TLE6: variants seen among roughly 807,000 people sequenced by gnomAD.
TLE6 encodes the protein transducin-like enhancer protein 6.
In TLE6, 72 loss-of-function variants were observed where a neutral mutation model predicts 77.1. The ratio of observed to expected loss-of-function variants is 0.93; its 90% CI spans 0.77 to 1.14. The LOEUF (loss-of-function observed/expected upper bound fraction) is 1.14. Among genes scored for constraint, TLE6 ranks in the 50% most tolerant of loss-of-function variants. TLE6 has a pLI of 0.00. For missense variants in TLE6, 843 were observed against 747.6 expected, an observed-to-expected ratio of 1.13 and a Z score of -1.49; for synonymous variants, 366 against 287.3, an observed-to-expected ratio of 1.27 and a Z score of -2.77.
At chr19:2,981,708 C>A (rs959790072) in intron 4 of TLE6, 125 bp downstream of exon 4, 2 of 1,039,590 alleles carry the variant, frequency 1.9e-6, no homozygotes, top group East Asian at 2.6e-5. Context: ...CTGTGCCTCA[C>A]GCCTGTAATC....
intron 5 of TLE6, among the ~76,000 whole-genome samples, chr19:2,986,155 G>A (rs2088906177): frequency 7.1e-6 from 1 of 141,130 alleles, no homozygotes; most frequent in Non-Finnish European, 1.5e-5. Flanking sequence ...GCTTAAACCT[G>A]TTATCCCAGC....
In TLE6 at chr19:2,995,056, TCCC is replaced by T. The variant is rs141348286; in HGVS notation, c.*60_*62del. 2.5e-3 allele frequency: 2,039 copies of T among 828,114 alleles called. 19 individuals carry two copies. Among genetic ancestry groups the T allele is most frequent in the Middle Eastern group, 9.6e-3 (26 of 2,708 alleles). 51.3% of individuals were successfully genotyped at this position (828,114 alleles called of 1,614,324 possible). A position where few individuals can be genotyped will look rare whatever the true frequency, so the allele number is the denominator to read the frequency against. On this transcript the variant is annotated 3_prime_UTR_variant, in exon 17 of 17. Transcript: ENST00000246112. ...CGGCTCCTCTTTTCATCCCCCCCCT[TCCC>T]CCCCCCCAACAAGGGGGACATGGTG...
chr19:2,993,719 G>T, intron 15 of TLE6, 137 bp downstream of exon 15: 1 of 1,145,512 alleles, frequency 8.7e-7, no homozygotes, highest in South Asian at 1.7e-5. Context: ...TTTTGGGGAT[G>T]CTCTTATAGT....
chr19:2,989,502 G>A (rs752294085), intron 12 of TLE6, 33 bp from the exon 13 acceptor site: 18 of 1,594,444 alleles, frequency 1.1e-5, no homozygotes, highest in East Asian at 4.5e-5. Flanking sequence ...TGCCACGGGG[G>A]GCGACAGCTC....
At position 2,989,794 on chromosome 19, in the gene TLE6, G is replaced by GA. The variant is rs1287316311; in HGVS notation, c.1244+9_1244+10insA. ...GATCAGAGTGTGGTCAGGTGCGTTT[G>GA]GGGGGTGGGAAGGGGAAGCATCCTG... On this transcript the variant is annotated intron_variant, in intron 13 of 16. Transcript: ENST00000246112. 1 of 1,608,270 alleles carries GA rather than the reference G, an allele frequency of 6.2e-7. No homozygotes were observed. The highest frequency in any genetic ancestry group is 1.3e-5 in the African/African-American group (1 of 74,764).
At chr19:2,989,814 ATCCTGTGCCAGCC>A (rs1375796867) in intron 13 of TLE6, 29 bp downstream of exon 13, 1 of 1,608,740 alleles carries the variant, frequency 6.2e-7, no homozygotes. Context: ...AAGGGGAAGC[ATCCTGTGCCAGCC>A]TCCTGTGGCC....
intron 13 of TLE6, 86 bp from the exon 14 acceptor site, chr19:2,991,757 C>A: frequency 1.4e-6 from 2 of 1,392,946 alleles, no homozygotes; most frequent in East Asian, 2.3e-5. Flanking sequence ...CTGTCCCTTT[C>A]ATGCCCAAAT....
In TLE6 at chr19:2,987,754, G is replaced by A. The variant is rs2088948055; in HGVS notation, c.589G>A (p.Asp197Asn). 6.2e-7 allele frequency: 1 copy of A among 1,614,130 alleles called. No individual in the cohort carries two copies. Among genetic ancestry groups the A allele is most frequent in the Non-Finnish European group, 8.5e-7 (1 of 1,180,026 alleles). Residue 197 changes from aspartate to asparagine, a missense_variant, in exon 9 of 17, where the codon GAC (aspartate) becomes AAC (asparagine). Physicochemically the swap from Asp to Asn is conservative, Grantham distance 23. Coordinates refer to ENST00000246112, the MANE Select transcript of TLE6 (RefSeq NM_001143986.2). The stretch of plus-strand genomic sequence containing the variant: ...GGAAAGCAAGGCACCAGGATCCTGT[G>A]ACCCAGGAACAGACCCATGTCCTGA... ...GQESKAPGSCDPGTDPCPEDA... is the reference protein window; with the variant it reads ...GQESKAPGSCNPGTDPCPEDA...
chr19:2,979,878 C>T (rs916905063), intron 2 of TLE6, among the ~76,000 whole-genome samples: 2 of 148,458 alleles, frequency 1.3e-5, no homozygotes, highest in African/African-American at 2.5e-5. Context: ...GCAGGAGAAT[C>T]GCTTGAACCC....
chr19:2,995,045 A>ATCCCCCCCCT lies in TLE6; in HGVS notation c.*51_*60dup, dbSNP rs1423664576. ...TCATCCCACTCCGGCTCCTCTTTTC[A>ATCCCCCCCCT]TCCCCCCCCTTCCCCCCCCCCAACA... is the stretch of plus-strand genomic sequence containing the variant. On this transcript the variant is annotated 3_prime_UTR_variant, in exon 17 of 17. Coordinates refer to ENST00000246112, the MANE Select transcript of TLE6 (RefSeq NM_001143986.2). 6 of 1,170,356 alleles carry ATCCCCCCCCT rather than the reference A, an allele frequency of 5.1e-6. No individual in the cohort carries two copies. Among genetic ancestry groups the ATCCCCCCCCT allele is most frequent in the Non-Finnish European group, 7.1e-6 (6 of 841,022 alleles). The allele number at this position is 1,170,356 out of a possible 1,614,324, so 72.5% of individuals were successfully genotyped here. A position where few individuals can be genotyped will look rare whatever the true frequency, so the allele number is the denominator to read the frequency against.
intron 5 of TLE6, among the ~76,000 whole-genome samples, chr19:2,985,766 T>C (rs979630221): frequency 6.7e-6 from 1 of 150,196 alleles, no homozygotes; most frequent in Admixed American, 6.6e-5. Flanking sequence ...AGGTTTTCTT[T>C]TTAAAACATC....
intron 4 of TLE6, among the ~76,000 whole-genome samples, chr19:2,981,833 A>C (rs1387289320): frequency 6.6e-6 from 1 of 151,180 alleles, no homozygotes; most frequent in Non-Finnish European, 1.5e-5. Flanking sequence ...TTAGCCGGGC[A>C]TGGTGGCAGG....
intron 16 of TLE6, among the ~76,000 whole-genome samples, chr19:2,994,626 A>T (rs1473742150): frequency 6.7e-6 from 1 of 148,368 alleles, no homozygotes; most frequent in Non-Finnish European, 1.5e-5. Flanking sequence ...AATAATAATT[A>T]AAAACACTTT....
At chr19:2,991,816 T>G (rs428113) in intron 13 of TLE6, 27 bp from the exon 14 acceptor site, 2 of 1,611,842 alleles carry the variant, frequency 1.2e-6, no homozygotes, top group African/African-American at 1.3e-5. Flanking sequence ...CTTGACCTGA[T>G]TGCCTCCCGA....
intron 5 of TLE6, among the ~76,000 whole-genome samples, chr19:2,985,281 C>T (rs1196196568): frequency 6.6e-6 from 1 of 151,762 alleles, no homozygotes; most frequent in Non-Finnish European, 1.5e-5. Context: ...TGACTTGTTT[C>T]TATCAATTCT....
At position 2,989,800 on chromosome 19, in the gene TLE6, T is replaced by G. The variant is rs1181115022; in HGVS notation, c.1244+15T>G. On this transcript the variant is annotated intron_variant, in intron 13 of 16. Transcript: ENST00000246112. ...AGTGTGGTCAGGTGCGTTTGGGGGG[T>G]GGGAAGGGGAAGCATCCTGTGCCAG... 1.2e-6 allele frequency: 2 copies of G among 1,607,288 alleles called. No individual in the cohort carries two copies. Among genetic ancestry groups the G allele is most frequent in the African/African-American group, 1.3e-5 (1 of 74,586 alleles).
upstream of TLE6, chr19:2,977,495 A>G (rs1404046253): frequency 2.6e-5 from 4 of 151,700 alleles, no homozygotes; most frequent in African/African-American, 9.7e-5. Context: ...CCTGGGCGGG[A>G]CGGGGCGGGG....
At chr19:2,979,550 T>C (rs1174810854) in intron 2 of TLE6, among the ~76,000 whole-genome samples, 3 of 152,030 alleles carry the variant, frequency 2.0e-5, no homozygotes, top group Non-Finnish European at 4.4e-5. Flanking sequence ...CCCGGACTTT[T>C]ATTTTTAAAA....
intron 11 of TLE6, chr19:2,988,820 T>G: frequency 1.7e-6 from 1 of 590,896 alleles, no homozygotes; most frequent in African/African-American, 1.9e-5. Flanking sequence ...TGAATAGGAG[T>G]TCTTCCTCCT....
Sources: gnomAD v4.1 joint callset for allele counts (sites outside exome capture counted in the v4.1 genomes callset) on GRCh38, gnomAD v4.1.1 for gene constraint, MANE v1.5 for transcripts, NCBI Gene and HGNC (gene_info 2026-07-23, HGNC 2026-07-21) for gene names.